XKR4: variants seen among roughly 807,000 people sequenced by gnomAD.
The protein encoded by XKR4 is XK related 4, also known as XK-related protein 4.
A neutral mutation model predicts 53.9 loss-of-function variants in XKR4; 12 were observed. The observed-to-expected ratio is 0.22, with a 90% CI of 0.14 to 0.36. The LOEUF (loss-of-function observed/expected upper bound fraction) is 0.36. Ranked by LOEUF, XKR4 falls within the 10% of genes least tolerant of loss-of-function variation. XKR4 has a pLI of 1.00. For missense variants in XKR4, 799 were observed against 859.5 expected (o/e 0.93, Z 0.88); for synonymous variants, 354 against 362.4 (o/e 0.98, Z 0.26).
At chr8:55,368,569 A>G (rs907173102) in intron 2 of XKR4, among the ~76,000 whole-genome samples, 26 of 151,970 alleles carry the variant, frequency 1.7e-4, no homozygotes, top group African/African-American at 5.6e-4. Context: ...TCACTCCTAA[A>G]ACACACAGCT....
chr8:55,207,640 ACACACACACGCG>A (rs1563483116), intron 1 of XKR4, among the ~76,000 whole-genome samples: 1,726 of 7,162 alleles, frequency 0.24, 37 homozygotes, highest in African/African-American at 0.39. Context: ...GCGCGCGCAC[ACACACACACGCG>A]CACACACACA....
At chr8:55,183,289 C>T (rs1817338221) in intron 1 of XKR4, among the ~76,000 whole-genome samples, 1 of 151,020 alleles carries the variant, frequency 6.6e-6, no homozygotes, top group African/African-American at 2.4e-5. Context: ...CTTTTTTCCT[C>T]TGGTTTCCTA....
chr8:55,294,270 A>C (rs1167904916), intron 1 of XKR4, among the ~76,000 whole-genome samples: 1 of 152,232 alleles, frequency 6.6e-6, no homozygotes, highest in East Asian at 1.9e-4. Context: ...TTCTCTAAGA[A>C]GCTCTTGAAC....
chr8:55,487,467 C>CTTT (rs34679908), intron 2 of XKR4, among the ~76,000 whole-genome samples: 3 of 143,430 alleles, frequency 2.1e-5, no homozygotes. Context: ...GACATGCTTT[C>CTTT]TTTTTTTTTT....
chr8:55,421,081 T>G (rs1415992291), intron 2 of XKR4, among the ~76,000 whole-genome samples: 1 of 152,234 alleles, frequency 6.6e-6, no homozygotes, highest in East Asian at 1.9e-4. Context: ...TTATTCAAGC[T>G]TTTAGACAGA....
At chr8:55,174,477 G>A (rs1817203618) in intron 1 of XKR4, among the ~76,000 whole-genome samples, 1 of 152,138 alleles carries the variant, frequency 6.6e-6, no homozygotes, top group Non-Finnish European at 1.5e-5. Context: ...GGAGCATCCG[G>A]GGCTTCACAA....
intron 1 of XKR4, among the ~76,000 whole-genome samples, chr8:55,301,895 G>T (rs1453130302): frequency 2.6e-5 from 4 of 152,052 alleles, no homozygotes; most frequent in Non-Finnish European, 5.9e-5. Context: ...CTGGATATTA[G>T]CCCTTTGTCA....
At chr8:55,388,851 C>T (rs1413773762) in intron 2 of XKR4, among the ~76,000 whole-genome samples, 4 of 152,294 alleles carry the variant, frequency 2.6e-5, no homozygotes, top group East Asian at 1.9e-4. Context: ...TTTAATGACA[C>T]GTAATTGATG....
At chr8:55,249,184 G>A (rs920115657) in intron 1 of XKR4, among the ~76,000 whole-genome samples, 5 of 152,118 alleles carry the variant, frequency 3.3e-5, no homozygotes, top group African/African-American at 1.2e-4. Flanking sequence ...TGTTGAAAGG[G>A]GTATTTCCTG....
intron 2 of XKR4, among the ~76,000 whole-genome samples, chr8:55,387,956 C>T (rs563973703): frequency 6.6e-6 from 1 of 152,318 alleles, no homozygotes; most frequent in South Asian, 2.1e-4. Flanking sequence ...TTATTGTTCT[C>T]ACAGAGATTT....
At chr8:55,158,994 G>T (rs916545362) in intron 1 of XKR4, among the ~76,000 whole-genome samples, 1 of 151,974 alleles carries the variant, frequency 6.6e-6, no homozygotes, top group African/African-American at 2.4e-5. Flanking sequence ...AATTTTAAAC[G>T]TTTTTTTCCA....
Position 55,530,143 on chromosome 8 carries a change from AG to A in XKR4, c.*5917del, listed in dbSNP as rs1806928131. On this transcript the variant is annotated 3_prime_UTR_variant, in exon 3 of 3. Coordinates refer to ENST00000327381, the MANE Select transcript of XKR4 (RefSeq NM_052898.2). ...AGGGAGGGAGAGAGGGAGGGAAGGA[AG>A]AAGGAAGGAAGGAAGGAAGGAAGGA... 7.5e-6 allele frequency: 1 copy of A among 132,894 alleles called. No individual in the cohort carries two copies. The highest frequency in any genetic ancestry group is 1.6e-5 in the Non-Finnish European group (1 of 62,834). 8.2% of individuals were successfully genotyped at this position (132,894 alleles called of 1,614,324 possible).
At chr8:55,521,856 T>A (rs10106362) in intron 2 of XKR4, among the ~76,000 whole-genome samples, 13,214 of 152,274 alleles carry the variant, frequency 0.087, 1,287 homozygotes, top group African/African-American at 0.2. Context: ...AAAAGTACCA[T>A]TTCCATTATA....
At chr8:55,289,540 AGAAG>A (rs142907908) in intron 1 of XKR4, among the ~76,000 whole-genome samples, 14,846 of 102,478 alleles carry the variant, frequency 0.14, 2,810 homozygotes, top group African/African-American at 0.44. Context: ...AAAGAAAGAA[AGAAG>A]GAAGGAAGGA....
intron 1 of XKR4, among the ~76,000 whole-genome samples, chr8:55,247,663 A>T (rs1298941664): frequency 1.3e-5 from 2 of 151,942 alleles, no homozygotes; most frequent in Non-Finnish European, 2.9e-5. Context: ...CACCTTCATG[A>T]TCTCATTCCC....
intron 2 of XKR4, among the ~76,000 whole-genome samples, chr8:55,469,791 G>T (rs139015754): frequency 6.6e-6 from 1 of 152,056 alleles, no homozygotes; most frequent in Non-Finnish European, 1.5e-5. Context: ...AACAAATCTT[G>T]TACTAAAGAT....
chr8:55,266,253 C>T (rs774688928), intron 1 of XKR4, among the ~76,000 whole-genome samples: 16 of 151,612 alleles, frequency 1.1e-4, no homozygotes, highest in South Asian at 2.1e-4. Context: ...GTGATGTGAG[C>T]GCAGTACAGT....
intron 2 of XKR4, among the ~76,000 whole-genome samples, chr8:55,431,512 T>C (rs1403237315): frequency 6.6e-6 from 1 of 152,206 alleles, no homozygotes; most frequent in Non-Finnish European, 1.5e-5. Context: ...AGAAAGCAGA[T>C]TATCTTTAGC....
At chr8:55,361,157 G>A (rs1287689448) in intron 2 of XKR4, among the ~76,000 whole-genome samples, 3 of 152,182 alleles carry the variant, frequency 2.0e-5, no homozygotes, top group Non-Finnish European at 4.4e-5. Flanking sequence ...CTGCATGCAC[G>A]GCTGTACCTG....
Sources: allele counts gnomAD v4.1 joint callset (sites outside exome capture counted in the v4.1 genomes callset), GRCh38; gene constraint gnomAD v4.1.1; transcripts MANE v1.5; gene names NCBI Gene and HGNC (gene_info 2026-07-23, HGNC 2026-07-21).